The following FKBP15 variants were observed in gnomAD, a reference collection of about 807,000 sequenced individuals.
FKBP15 encodes the protein FKBP prolyl isomerase family member 15, also known as FK506-binding protein 15.
Under a neutral mutation model 158.1 loss-of-function variants are expected in FKBP15, and 106 were observed. The observed-to-expected ratio is 0.67, with a 90% CI of 0.57 to 0.79. The LOEUF (loss-of-function observed/expected upper bound fraction) is 0.79, where lower values mean the gene tolerates loss of function less well. Among genes scored for constraint, FKBP15 ranks in the 30% least tolerant of loss-of-function variants. The pLI is 0.00. For synonymous variants in FKBP15, 547 were observed against 548.6 expected, an observed-to-expected ratio of 1.00 and a Z score of 0.04; for missense variants, 1,287 against 1,479.1, an observed-to-expected ratio of 0.87 and a Z score of 2.13.
chr9:113,176,439 T>G, intron 21 of FKBP15, 98 bp downstream of exon 21: 2 of 1,317,432 alleles, frequency 1.5e-6, no homozygotes, highest in Non-Finnish European at 2.0e-6. Flanking sequence ...ATATTATTTG[T>G]ATTTGTTACA....
intron 7 of FKBP15, 76 bp downstream of exon 7, chr9:113,199,738 G>T: frequency 6.9e-7 from 1 of 1,441,864 alleles, no homozygotes; most frequent in Non-Finnish European, 9.4e-7. Context: ...GCCGTTCACA[G>T]TAATAGTATC....
At chr9:113,196,402 G>C (rs998683461) in intron 9 of FKBP15, among the ~76,000 whole-genome samples, 4 of 70,952 alleles carry the variant, frequency 5.6e-5, no homozygotes, top group Non-Finnish European at 1.2e-4. Flanking sequence ...TTTTTTTTTT[G>C]AGACAGAGTC....
intron 24 of FKBP15, 61 bp downstream of exon 24, chr9:113,171,520 C>T: frequency 6.4e-7 from 1 of 1,567,390 alleles, no homozygotes; most frequent in South Asian, 1.2e-5. Context: ...AACATACTGG[C>T]CATGTTCTTT....
At position 113,184,319 on chromosome 9, in the gene FKBP15, A is replaced by T; in HGVS notation, c.1689T>A (p.Ile563=). The T allele has an allele frequency of 6.2e-7, 1 of 1,603,492 alleles. No individual in the cohort carries two copies. The highest frequency in any genetic ancestry group is 8.5e-7 in the Non-Finnish European group (1 of 1,174,432). ...SMSVTMETSM[I]MSNIQRIIQE... is the part of the protein sequence containing the mutation. ...GAATGATTCGCTGGATGTTGCTCAT[A>T]ATCATGCTTGTTTCCATTGTAACTG... The change falls in exon 17 of 28, where the codon ATT becomes ATA. Residue 563 remains isoleucine, a synonymous_variant. Transcript: ENST00000238256. The surrounding 1 kb of genome is among the most constrained non-coding windows in gnomAD (Gnocchi z 4.5).
rs1830058827 is a variant in FKBP15 at position 113,163,956 on chromosome 9, A to G, written c.*2122T>C. On this transcript the variant is annotated 3_prime_UTR_variant, in exon 28 of 28. Transcript: ENST00000238256. ...CTGAAGATGCAATCCAACCAAAGCC[A>G]TTACATTTTTTGAGTTAGATGGGAC... The G allele has an allele frequency of 6.6e-6, 1 of 152,540 alleles. No homozygotes were observed. The highest frequency in any genetic ancestry group is 2.4e-5 in the African/African-American group (1 of 41,394). The allele number at this position is 152,540 out of a possible 1,614,324, so 9.4% of individuals were successfully genotyped here.
At chr9:113,187,617 T>C in intron 14 of FKBP15, 176 bp downstream of exon 14, 2 of 603,702 alleles carry the variant, frequency 3.3e-6, no homozygotes. Flanking sequence ...CACTGGAACG[T>C]AGGTTATCCT....
In FKBP15 at chr9:113,169,179, A is replaced by G. The variant is rs1330476519; in HGVS notation, c.3485+45T>C. 4 of 1,556,602 alleles carry G rather than the reference A, an allele frequency of 2.6e-6. No individual in the cohort carries two copies. In the South Asian group the frequency reaches 4.9e-5, roughly 19 times the overall value. On this transcript the variant is annotated intron_variant, in intron 26 of 27. Coordinates refer to ENST00000238256, the MANE Select transcript of FKBP15 (RefSeq NM_015258.2). ...CCTGGAAAAAACAGAGACACTCACC[A>G]CAGATAACTACCCTGTCCCTGAAGC...
In FKBP15 at chr9:113,198,933, G is replaced by T. The variant is rs1301282490; in HGVS notation, c.649-10C>A. On this transcript the variant is annotated splice_polypyrimidine_tract_variant and intron_variant, in intron 7 of 27. Coordinates refer to ENST00000238256, the MANE Select transcript of FKBP15 (RefSeq NM_015258.2). This position sits in a 1 kb window ranked among gnomAD's most constrained non-coding sequence, Gnocchi z 5.2. The stretch of plus-strand genomic sequence containing the variant: ...CAGTGGAGTCGAAAACCTGCAATTT[G>T]ATCGAAGGAAATTAGGCCAGCCAAT... The T allele has an allele frequency of 6.3e-7, 1 of 1,589,844 alleles. No homozygotes were observed.
chr9:113,186,455 C>A, intron 14 of FKBP15, 92 bp from the exon 15 acceptor site: 2 of 939,392 alleles, frequency 2.1e-6, no homozygotes, highest in South Asian at 1.5e-5. Flanking sequence ...AGTGGATGAG[C>A]TGGGAGGAGA....
In FKBP15 at chr9:113,161,675, C is replaced by T. The variant is rs770110544; in HGVS notation, c.*4403G>A. On this transcript the variant is annotated 3_prime_UTR_variant, in exon 28 of 28. Transcript: ENST00000238256. The stretch of plus-strand genomic sequence containing the variant: ...GGGACTCTGCAGGCTCAGATTCATT[C>T]CCTGTTGGCAGAACCCACCACAGGT... 2 of 1,613,988 alleles carry T rather than the reference C, an allele frequency of 1.2e-6. No individual in the cohort carries two copies. The highest frequency in any genetic ancestry group is 8.5e-7 in the Non-Finnish European group (1 of 1,179,884).
intron 10 of FKBP15, among the ~76,000 whole-genome samples, chr9:113,193,826 C>G (rs536309987): frequency 6.6e-6 from 1 of 152,254 alleles, no homozygotes; most frequent in South Asian, 2.1e-4. Flanking sequence ...AAGTATTCTT[C>G]TGAGTTAGTG....
intron 14 of FKBP15, chr9:113,187,056 G>A (rs542635062): frequency 6.6e-6 from 1 of 152,146 alleles, no homozygotes; most frequent in South Asian, 2.1e-4. Context: ...ATATAACTAC[G>A]CATCCACTTA....
Position 113,190,590 on chromosome 9 carries a change from G to A in FKBP15, c.1066-12C>T, listed in dbSNP as rs773212688. 1 of 1,594,160 alleles carries A rather than the reference G, an allele frequency of 6.3e-7. No individual in the cohort carries two copies. The highest frequency in any genetic ancestry group is 1.1e-5 in the South Asian group (1 of 88,238). On this transcript the variant is annotated splice_polypyrimidine_tract_variant and intron_variant, in intron 11 of 27. Coordinates refer to ENST00000238256, the MANE Select transcript of FKBP15 (RefSeq NM_015258.2). Reference sequence around the variant, plus strand: ...ACTGCATCGGGACTCTAAAAAGAGAGGAAAGTCACAAAAATCACTGTGATT... The same window carrying A: ...ACTGCATCGGGACTCTAAAAAGAGAAGAAAGTCACAAAAATCACTGTGATT...
At position 113,211,583 on chromosome 9, in the gene FKBP15, C is replaced by T; in HGVS notation, c.63G>A (p.Leu21=). 6.3e-7 allele frequency: 1 copy of T among 1,597,924 alleles called. No homozygotes were observed. Among genetic ancestry groups the T allele is most frequent in the Non-Finnish European group, 8.5e-7 (1 of 1,171,340 alleles). The change falls in exon 2 of 28, where the codon TTG becomes TTA. Residue 21 remains leucine, a synonymous_variant. Transcript: ENST00000238256. The stretch of plus-strand genomic sequence containing the variant: ...CCTGATCCAGTCCAAAAAGTGAGGC[C>T]AATCTGGCACTGTTAGTAGAAAATG... The part of the protein sequence containing the change: ...DFLSPSGGAR[L]ASLFGLDQAA...
intron 1 of FKBP15, among the ~76,000 whole-genome samples, 197 bp downstream of exon 1, chr9:113,220,994 G>A (rs991343496): frequency 1.3e-5 from 2 of 152,164 alleles, no homozygotes; most frequent in African/African-American, 4.8e-5. Flanking sequence ...GAGAGATGCC[G>A]GGTCCCGAAC....
chr9:113,174,906 A>C (rs1335867940), intron 21 of FKBP15, among the ~76,000 whole-genome samples: 1 of 42,794 alleles, frequency 2.3e-5, no homozygotes, highest in Non-Finnish European at 4.9e-5. Flanking sequence ...ACTAAAAAAT[A>C]CAAAAAATTA....
intron 13 of FKBP15, 41 bp from the exon 14 acceptor site, chr9:113,187,940 C>T: frequency 6.7e-7 from 1 of 1,491,180 alleles, no homozygotes; most frequent in Non-Finnish European, 9.3e-7. Flanking sequence ...TCCACCCTTG[C>T]TTCTTGGTGT....
intron 1 of FKBP15, among the ~76,000 whole-genome samples, chr9:113,219,711 T>A (rs189795947): frequency 2.9e-4 from 44 of 152,324 alleles, no homozygotes; most frequent in African/African-American, 1.0e-3. Context: ...ACCTATCCCA[T>A]AATTTTCAGT....
chr9:113,188,650 G>A, intron 12 of FKBP15, 159 bp from the exon 13 acceptor site: 1 of 594,848 alleles, frequency 1.7e-6, no homozygotes. Flanking sequence ...TGTGGGTTGT[G>A]GAGAAAAAGC....
Sources: gnomAD v4.1 joint callset for allele counts (sites outside exome capture counted in the v4.1 genomes callset) on GRCh38, gnomAD v4.1.1 for gene constraint, Gnocchi (gnomAD v3.1) non-coding constraint, MANE v1.5 for transcripts, NCBI Gene and HGNC (gene_info 2026-07-23, HGNC 2026-07-21) for gene names.